The following PCDH11Y variants were observed in gnomAD, a reference collection of about 807,000 sequenced individuals.
PCDH11Y encodes protocadherin 11 Y-linked, also known as protocadherin-11 Y-linked.
For missense variants in PCDH11Y, 12 were observed against 224.8 expected, an observed-to-expected ratio of 0.05 and a Z score of 6.05; for synonymous variants, 9 against 83.6, an observed-to-expected ratio of 0.11 and a Z score of 4.87.
chrY:5,444,374 C>A (rs2053285538), intron 2 of PCDH11Y, among the ~76,000 whole-genome samples: 1 of 32,416 alleles, frequency 3.1e-5, no homozygotes, highest in African/African-American at 1.2e-4. Flanking sequence ...AAAGTACTCT[C>A]AAACCTGTGT....
intron 3 of PCDH11Y, among the ~76,000 whole-genome samples, chrY:5,549,416 A>C: frequency 9.5e-5 from 3 of 31,532 alleles, no homozygotes; most frequent in Admixed American, 8.7e-4. Flanking sequence ...ATACCATGTC[A>C]CACCAGTCAA....
At chrY:5,283,740 G>T in intron 2 of PCDH11Y, among the ~76,000 whole-genome samples, 1 of 28,769 alleles carries the variant, frequency 3.5e-5, no homozygotes, top group Admixed American at 3.4e-4. Flanking sequence ...AAGCAAAAGG[G>T]CTGATAAAAA....
At chrY:5,203,651 T>C (rs2052929130) in intron 2 of PCDH11Y, among the ~76,000 whole-genome samples, 1 of 31,006 alleles carries the variant, frequency 3.2e-5, no homozygotes. Context: ...CATATACTAA[T>C]GACATCATGT....
chrY:5,349,573 A>C, intron 2 of PCDH11Y, among the ~76,000 whole-genome samples: 1 of 33,738 alleles, frequency 3.0e-5, no homozygotes, highest in Non-Finnish European at 7.3e-5. Flanking sequence ...GTGTTGCATG[A>C]ATGGATGAAT....
At chrY:5,097,100 T>A in intron 1 of PCDH11Y, among the ~76,000 whole-genome samples, 1 of 26,066 alleles carries the variant, frequency 3.8e-5, no homozygotes, top group East Asian at 9.7e-4. Flanking sequence ...CTTTTTCAAT[T>A]TGAGATCTTG....
chrY:5,434,859 A>C, intron 2 of PCDH11Y, among the ~76,000 whole-genome samples: 1 of 33,152 alleles, frequency 3.0e-5, no homozygotes, highest in Non-Finnish European at 7.4e-5. Context: ...ACAGCCTGTA[A>C]GGGGTCCATC....
rs2053432244 is a variant in PCDH11Y at position 5,564,262 on chromosome Y, G to T, written c.3329-17513G>T. 1.1e-4 allele frequency among the ~76,000 whole-genome samples: 3 copies of T among 28,264 alleles called. No individual in the cohort carries two copies. In the South Asian group the frequency reaches 2.5e-3, roughly 24 times the overall value. The allele number at this position is 28,264 out of a possible 37,273, so 75.8% of individuals were successfully genotyped here. A position where few individuals can be genotyped will look rare whatever the true frequency, so the allele number is the denominator to read the frequency against. On this transcript the variant is annotated intron_variant, in intron 3 of 4. Transcript: ENST00000400457. Reference sequence around the variant, plus strand: ...TATGAGATTTTAATTAAATTAAATGGTTGCAATAGCAAATGCAGCTCATGT... The same window carrying T: ...TATGAGATTTTAATTAAATTAAATGTTTGCAATAGCAAATGCAGCTCATGT...
intron 2 of PCDH11Y, among the ~76,000 whole-genome samples, chrY:5,166,157 T>G: frequency 3.1e-5 from 1 of 32,697 alleles, no homozygotes; most frequent in Non-Finnish European, 7.6e-5. Context: ...CATAAAAAAT[T>G]TTTCTGATAG....
intron 2 of PCDH11Y, among the ~76,000 whole-genome samples, chrY:5,347,161 T>C: frequency 3.0e-5 from 1 of 33,335 alleles, no homozygotes; most frequent in Non-Finnish European, 7.4e-5. Flanking sequence ...AAAATCGTAA[T>C]CTGGGCCAGG....
chrY:5,159,793 A>C, intron 2 of PCDH11Y, among the ~76,000 whole-genome samples: 1 of 30,437 alleles, frequency 3.3e-5, no homozygotes, highest in Non-Finnish European at 7.9e-5. Flanking sequence ...ATAAAGAATT[A>C]GAAAGTAGTT....
At chrY:5,381,772 G>C in intron 2 of PCDH11Y, among the ~76,000 whole-genome samples, 1 of 33,210 alleles carries the variant, frequency 3.0e-5, no homozygotes, top group Non-Finnish European at 7.4e-5. Context: ...ATGTGGAATT[G>C]GATGGTTAAA....
chrY:5,163,582 A>G, intron 2 of PCDH11Y, among the ~76,000 whole-genome samples: 1 of 32,278 alleles, frequency 3.1e-5, no homozygotes, highest in Non-Finnish European at 7.6e-5. Context: ...TGAGTGGTTT[A>G]CCACCATCCC....
chrY:5,662,155 TG>T (rs2053541454), intron 4 of PCDH11Y, among the ~76,000 whole-genome samples: 1 of 33,402 alleles, frequency 3.0e-5, no homozygotes, highest in Non-Finnish European at 7.4e-5. Context: ...CAACCAATTC[TG>T]TTATTAACAA....
At chrY:5,687,110 TGGGACAAACCACC>T (rs2053564054) in intron 4 of PCDH11Y, among the ~76,000 whole-genome samples, 1 of 30,585 alleles carries the variant, frequency 3.3e-5, no homozygotes, top group East Asian at 8.5e-4. Context: ...GGATGATCCA[TGGGACAAACCACC>T]ATGGCACACG....
At chrY:5,646,382 G>A in intron 4 of PCDH11Y, among the ~76,000 whole-genome samples, 5 of 32,845 alleles carry the variant, frequency 1.5e-4, no homozygotes, top group East Asian at 1.6e-3. Context: ...GAGATGGTTA[G>A]TGGGCCCAAA....
chrY:5,599,548 C>T (rs2053470560), intron 4 of PCDH11Y, among the ~76,000 whole-genome samples: 1 of 32,948 alleles, frequency 3.0e-5, no homozygotes. Flanking sequence ...ATATTGGTTT[C>T]TCATTGCAAT....
chrY:5,042,961 G>A (rs2052617178), intron 3 of PCDH11Y, among the ~76,000 whole-genome samples: 1 of 31,770 alleles, frequency 3.1e-5, no homozygotes, highest in Non-Finnish European at 7.6e-5. Context: ...CATTGATTTC[G>A]TATCCTGAGA....
intron 3 of PCDH11Y, among the ~76,000 whole-genome samples, chrY:5,559,890 G>C: frequency 3.0e-5 from 1 of 33,269 alleles, no homozygotes; most frequent in Non-Finnish European, 7.4e-5. Context: ...CTGCTGAAAA[G>C]ATACCTGAAA....
intron 2 of PCDH11Y, among the ~76,000 whole-genome samples, chrY:5,116,639 C>G: frequency 3.0e-5 from 1 of 33,299 alleles, no homozygotes; most frequent in Non-Finnish European, 7.4e-5. Context: ...ACGCACCCCT[C>G]TTATTCCCTT....
Sources: allele counts gnomAD v4.1 joint callset (sites outside exome capture counted in the v4.1 genomes callset), GRCh38; gene constraint gnomAD v4.1.1; transcripts MANE v1.5; gene names NCBI Gene and HGNC (gene_info 2026-07-23, HGNC 2026-07-21).